PREX2: variants seen among roughly 807,000 people sequenced by gnomAD.
PREX2 encodes phosphatidylinositol 3,4,5-trisphosphate-dependent Rac exchanger 2 protein.
A neutral mutation model predicts 203.2 loss-of-function variants in PREX2; 107 were observed. The observed-to-expected ratio is 0.53, with a 90% CI of 0.45 to 0.62. The LOEUF (loss-of-function observed/expected upper bound fraction) is 0.62, where lower values mean the gene tolerates loss of function less well. Among genes scored for constraint, PREX2 ranks in the 20% least tolerant of loss-of-function variants. PREX2 has a pLI of 0.00. For missense variants in PREX2, 1,777 were observed against 1,955.9 expected (o/e 0.91, Z 1.72); for synonymous variants, 672 against 663.6 (o/e 1.01, Z -0.19).
intron 27 of PREX2, 118 bp downstream of exon 27, chr8:68,118,762 C>A: frequency 1.2e-6 from 1 of 807,240 alleles, no homozygotes; most frequent in Non-Finnish European, 2.2e-6. Context: ...ATCAGTCACT[C>A]TCTGTGGCCA....
intron 20 of PREX2, among the ~76,000 whole-genome samples, 164 bp from the exon 21 acceptor site, chr8:68,093,441 A>G (rs1809954513): frequency 6.6e-6 from 1 of 151,394 alleles, no homozygotes; most frequent in Non-Finnish European, 1.5e-5. Context: ...AAACAATATA[A>G]TTGTCCTTGA....
intron 1 of PREX2, among the ~76,000 whole-genome samples, chr8:67,977,983 C>G (rs1033432568): frequency 6.6e-6 from 1 of 152,138 alleles, no homozygotes; most frequent in Non-Finnish European, 1.5e-5. Context: ...TAGCTGCTCT[C>G]ACAAACTAAT....
intron 38 of PREX2, among the ~76,000 whole-genome samples, chr8:68,221,322 T>C (rs1812949607): frequency 6.6e-6 from 1 of 152,182 alleles, no homozygotes; most frequent in South Asian, 2.1e-4. Context: ...GAGAACAGAC[T>C]CTTGAGCCAA....
At chr8:68,021,550 C>A (rs938844239) in intron 3 of PREX2, among the ~76,000 whole-genome samples, 18 of 152,144 alleles carry the variant, frequency 1.2e-4, no homozygotes, top group Non-Finnish European at 2.6e-4. Context: ...TTCTCTATTT[C>A]TATATGATCT....
chr8:67,991,075 T>C (rs1174668708), intron 1 of PREX2, among the ~76,000 whole-genome samples: 1 of 152,198 alleles, frequency 6.6e-6, no homozygotes, highest in Non-Finnish European at 1.5e-5. Context: ...TTTTCATTAA[T>C]CATAGTAATA....
intron 39 of PREX2, among the ~76,000 whole-genome samples, chr8:68,226,674 G>A (rs995039938): frequency 1.2e-4 from 18 of 152,170 alleles, no homozygotes; most frequent in African/African-American, 4.3e-4. Flanking sequence ...GTCTATAGGT[G>A]TCAGGCCCCT....
intron 1 of PREX2, 116 bp from the exon 2 acceptor site, chr8:68,017,730 A>G: frequency 1.3e-6 from 1 of 787,644 alleles, no homozygotes; most frequent in Non-Finnish European, 2.1e-6. Context: ...TATTATACTC[A>G]ACAAATGGAG....
chr8:68,100,797 T>A (rs936889441), intron 23 of PREX2, among the ~76,000 whole-genome samples: 1 of 152,186 alleles, frequency 6.6e-6, no homozygotes, highest in Non-Finnish European at 1.5e-5. Flanking sequence ...GATGACTTCA[T>A]CTGATTTAGG....
intron 30 of PREX2, among the ~76,000 whole-genome samples, chr8:68,121,794 A>G (rs1810779744): frequency 6.6e-6 from 1 of 152,154 alleles, no homozygotes; most frequent in Non-Finnish European, 1.5e-5. Context: ...TGGGTGTGCT[A>G]CTGACCTCTA....
chr8:68,225,571 T>C (rs1396291027), intron 39 of PREX2, among the ~76,000 whole-genome samples: 2 of 152,218 alleles, frequency 1.3e-5, no homozygotes, highest in Admixed American at 1.3e-4. Context: ...GTGGGAATGA[T>C]GGCTGCAGCA....
At chr8:67,990,041 A>G (rs1806552259) in intron 1 of PREX2, among the ~76,000 whole-genome samples, 1 of 151,822 alleles carries the variant, frequency 6.6e-6, no homozygotes, top group Admixed American at 6.6e-5. Context: ...GCTGGAGTGC[A>G]GTGGCACCAT....
At chr8:67,963,515 C>CT (rs1805689104) in intron 1 of PREX2, among the ~76,000 whole-genome samples, 1 of 151,994 alleles carries the variant, frequency 6.6e-6, no homozygotes, top group South Asian at 2.1e-4. Context: ...ACTTTAGTAT[C>CT]TTTTTTCTGT....
rs567669045 is a variant in PREX2 at position 67,963,867 on chromosome 8, G to A, written c.141+11332G>A. ...TTTTGCATTCTCTCTTAGAACTCTG[G>A]TTATTTAATTTTTAAATTAAATATA... On this transcript the variant is annotated intron_variant, in intron 1 of 39. Transcript: ENST00000288368. Among the ~76,000 whole-genome samples, 323 of 152,132 alleles carry A rather than the reference G, an allele frequency of 2.1e-3. 2 individuals are homozygous for A. The highest frequency in any genetic ancestry group is 4.4e-3 in the African/African-American group (183 of 41,506).
chr8:68,218,470 A>T (rs1260524634), intron 38 of PREX2, among the ~76,000 whole-genome samples: 1 of 152,216 alleles, frequency 6.6e-6, no homozygotes. Context: ...GACAAATTTT[A>T]TATTTTATTC....
intron 19 of PREX2, among the ~76,000 whole-genome samples, chr8:68,089,188 ATCT>A (rs1809790714): frequency 6.9e-6 from 1 of 144,646 alleles, no homozygotes; most frequent in African/African-American, 2.6e-5. Flanking sequence ...ACCTAACCAC[ATCT>A]TCTCTCTTTT....
intron 34 of PREX2, among the ~76,000 whole-genome samples, chr8:68,150,460 C>T (rs938139429): frequency 2.0e-5 from 3 of 152,166 alleles, no homozygotes; most frequent in Non-Finnish European, 4.4e-5. Flanking sequence ...CCCGGAGGGG[C>T]TTGATCCTCT....
intron 1 of PREX2, among the ~76,000 whole-genome samples, chr8:67,998,555 AG>A (rs1806838303): frequency 1.3e-5 from 2 of 152,184 alleles, no homozygotes; most frequent in Admixed American, 1.3e-4. Flanking sequence ...AGATCGCTTG[AG>A]GTGAGTTCAA....
chr8:67,983,416 A>C (rs943338483), intron 1 of PREX2, among the ~76,000 whole-genome samples: 1 of 137,688 alleles, frequency 7.3e-6, no homozygotes, highest in African/African-American at 2.6e-5. Context: ...CCTGTTACTT[A>C]GTTTTTATGC....
chr8:67,971,231 G>A (rs1417820828), intron 1 of PREX2, among the ~76,000 whole-genome samples: 7 of 152,104 alleles, frequency 4.6e-5, no homozygotes, highest in Admixed American at 3.9e-4. Context: ...CTGGGAGGCC[G>A]GCTTCTAGCC....
Sources: gnomAD v4.1 joint callset for allele counts (sites outside exome capture counted in the v4.1 genomes callset) on GRCh38, gnomAD v4.1.1 for gene constraint, MANE v1.5 for transcripts, NCBI Gene and HGNC (gene_info 2026-07-23, HGNC 2026-07-21) for gene names.